The following PARPBP variants were observed in gnomAD, a reference collection of about 807,000 sequenced individuals.
The protein encoded by PARPBP is PCNA-interacting partner.
A neutral mutation model predicts 50.0 loss-of-function variants in PARPBP; 52 were observed. That is an observed-to-expected ratio of 1.04 (90% CI 0.83 to 1.31). The LOEUF is 1.31. Among genes scored for constraint, PARPBP ranks in the 50% most tolerant of loss-of-function variants. PARPBP has a pLI of 0.00. For synonymous variants in PARPBP, 244 were observed against 232.1 expected, an observed-to-expected ratio of 1.05 and a Z score of -0.47; for missense variants, 697 against 672.0, an observed-to-expected ratio of 1.04 and a Z score of -0.41.
intron 3 of PARPBP, chr12:102,152,016 T>C (rs1286202887): frequency 7.6e-6 from 4 of 528,156 alleles, no homozygotes; most frequent in Admixed American, 3.3e-5. Context: ...TTTGTAAATA[T>C]TTGCATCTCC....
chr12:102,185,476 T>C (rs193113539), intron 9 of PARPBP, among the ~76,000 whole-genome samples: 1 of 152,186 alleles, frequency 6.6e-6, no homozygotes, highest in Non-Finnish European at 1.5e-5. Flanking sequence ...ATTAGAGATG[T>C]TGGCCTACAG....
intron 2 of PARPBP, among the ~76,000 whole-genome samples, chr12:102,124,656 A>G (rs193199961): frequency 6.6e-6 from 1 of 152,352 alleles, no homozygotes; most frequent in African/African-American, 2.4e-5. Context: ...AAGTCAGTTC[A>G]GAAGAAGGGT....
intron 6 of PARPBP, among the ~76,000 whole-genome samples, chr12:102,171,161 T>A (rs994559454): frequency 3.3e-5 from 5 of 151,618 alleles, no homozygotes; most frequent in Non-Finnish European, 5.9e-5. Context: ...TTTTTTTTTT[T>A]AAATAAGTAG....
At chr12:102,132,904 T>G (rs1185613101) in intron 2 of PARPBP, among the ~76,000 whole-genome samples, 2 of 152,170 alleles carry the variant, frequency 1.3e-5, no homozygotes, top group Non-Finnish European at 2.9e-5. Flanking sequence ...AAATTTTTTG[T>G]TTTTATAGCT....
chr12:102,153,972 A>G lies in PARPBP; in HGVS notation c.491A>G (p.Glu164Gly). The G allele has an allele frequency of 1.4e-5, 22 of 1,527,816 alleles. No individual in the cohort carries two copies. Among genetic ancestry groups the G allele is most frequent in the Non-Finnish European group, 2.0e-5 (22 of 1,102,036 alleles). 94.6% of individuals were successfully genotyped at this position (1,527,816 alleles called of 1,614,324 possible). ...ACAAGTAAATACAACCGTGATAATG[A>G]AAAGGTACTGATAAACTGTGAGTAA... Reference protein sequence around the residue: ...SPTSKYNRDNEKVQLLARKII... With the variant: ...SPTSKYNRDNGKVQLLARKII... Residue 164 changes from glutamate (E) to glycine (G), a missense_variant, in exon 4 of 11, where the codon GAA (glutamate) becomes GGA (glycine). Glu to Gly is a moderately conservative substitution (Grantham distance 98, BLOSUM62 -2). Transcript: ENST00000327680.
At position 102,197,386 on chromosome 12, in the gene PARPBP, G is replaced by A. The variant is rs10860843; in HGVS notation, c.*1095G>A. ...AACTACCTGGCATGTAAGAAATATC[G>A]TCAGTCGTCCTAATGCATATTGTGA... On this transcript the variant is annotated 3_prime_UTR_variant, in exon 11 of 11. Transcript: ENST00000327680. 4.8e-3 allele frequency: 4,208 copies of A among 868,232 alleles called. 118 individuals are homozygous for A. The African/African-American group carries it at 0.061, about 13-fold the overall frequency. The allele number at this position is 868,232 out of a possible 1,614,324, so 53.8% of individuals were successfully genotyped here.
chr12:102,178,154 A>G (rs1889465739), intron 7 of PARPBP, among the ~76,000 whole-genome samples: 3 of 152,206 alleles, frequency 2.0e-5, no homozygotes. Context: ...ATGATTATTG[A>G]ATGAATGAAT....
At chr12:102,169,418 T>A (rs1029657880) in intron 6 of PARPBP, among the ~76,000 whole-genome samples, 2 of 152,142 alleles carry the variant, frequency 1.3e-5, no homozygotes, top group Non-Finnish European at 2.9e-5. Context: ...TAAACTAAAT[T>A]TTTGTCTTTC....
intron 4 of PARPBP, among the ~76,000 whole-genome samples, chr12:102,160,807 G>T (rs1887486317): frequency 6.6e-6 from 1 of 152,036 alleles, no homozygotes; most frequent in Non-Finnish European, 1.5e-5. Context: ...AATTAGCCAG[G>T]CGTGGCGGCA....
chr12:102,147,140 C>T (rs2138588303), intron 2 of PARPBP, among the ~76,000 whole-genome samples: 1 of 152,280 alleles, frequency 6.6e-6, no homozygotes, highest in Admixed American at 6.5e-5. Context: ...CTAGTTCAAC[C>T]ATTGTGGAAG....
In PARPBP at chr12:102,159,464, A is replaced by C; in HGVS notation, c.496-4974A>C. ...AGCTCTAATTAAAATCCTAATGTGA[A>C]TTTTTGGGCTTCAGTCTTGCAGAGA... is the stretch of plus-strand genomic sequence containing the variant. On this transcript the variant is annotated intron_variant, in intron 4 of 10. Coordinates refer to ENST00000327680, the MANE Select transcript of PARPBP (RefSeq NM_017915.5). Among the ~76,000 whole-genome samples, 2 of 152,140 alleles carry C rather than the reference A, an allele frequency of 1.3e-5. 1 individual carries two copies. The highest frequency in any genetic ancestry group is 2.9e-5 in the Non-Finnish European group (2 of 68,028).
chr12:102,187,567 AC>A (rs1293198888), intron 9 of PARPBP, among the ~76,000 whole-genome samples: 1 of 152,146 alleles, frequency 6.6e-6, no homozygotes, highest in Non-Finnish European at 1.5e-5. Flanking sequence ...TCTGGTATAT[AC>A]AATATGTAAT....
intron 3 of PARPBP, among the ~76,000 whole-genome samples, chr12:102,153,386 C>T (rs1314652426): frequency 6.6e-6 from 1 of 152,226 alleles, no homozygotes; most frequent in Non-Finnish European, 1.5e-5. Flanking sequence ...CACTCTGGCG[C>T]CCAGGTTGGA....
At position 102,149,813 on chromosome 12, in the gene PARPBP, G is replaced by T. The variant is rs1885945018; in HGVS notation, c.387+1350G>T. Among the ~76,000 whole-genome samples, 3 of 152,176 alleles carry T rather than the reference G, an allele frequency of 2.0e-5. No homozygotes were observed. In the South Asian group the frequency reaches 6.2e-4, roughly 31 times the overall value. ...CGCACACATGTACAACTACACTATG[G>T]TAAGGATACTTGTAAAGATAGCTTT... is the stretch of plus-strand genomic sequence containing the variant. On this transcript the variant is annotated intron_variant, in intron 3 of 10. Transcript: ENST00000327680.
chr12:102,187,281 A>G (rs1229328812), intron 9 of PARPBP, among the ~76,000 whole-genome samples: 1 of 152,214 alleles, frequency 6.6e-6, no homozygotes, highest in East Asian at 1.9e-4. Flanking sequence ...ATACAGAACT[A>G]GTGAATTAGC....
rs1891253102 is a variant in PARPBP, at chr12:102,195,810, T to C, written c.1400-141T>C. 3 of 594,708 alleles carry C rather than the reference T, an allele frequency of 5.0e-6. No individual in the cohort carries two copies. In the South Asian group the frequency reaches 7.1e-5, roughly 14 times the overall value. 36.8% of individuals were successfully genotyped at this position (594,708 alleles called of 1,614,324 possible). On this transcript the variant is annotated intron_variant, in intron 10 of 10. Coordinates refer to ENST00000327680, the MANE Select transcript of PARPBP (RefSeq NM_017915.5). ...TAGGATAGTAATGTAGCTATATTTGTCAATCATATTATTTATAGCATTATT... is the reference window on the plus strand; with the variant it reads ...TAGGATAGTAATGTAGCTATATTTGCCAATCATATTATTTATAGCATTATT...
At chr12:102,148,659 G>A in intron 3 of PARPBP, 196 bp downstream of exon 3, 1 of 432,762 alleles carries the variant, frequency 2.3e-6, no homozygotes, top group African/African-American at 2.0e-5. Flanking sequence ...TCTTGGACTT[G>A]TGTTATTGTT....
At chr12:102,126,815 T>G (rs1383488587) in intron 2 of PARPBP, among the ~76,000 whole-genome samples, 1 of 152,128 alleles carries the variant, frequency 6.6e-6, no homozygotes, top group East Asian at 1.9e-4. Flanking sequence ...CAGTATCAGC[T>G]CTTTCTGTAT....
At chr12:102,194,790 T>G (rs999223929) in intron 9 of PARPBP, among the ~76,000 whole-genome samples, 1 of 151,820 alleles carries the variant, frequency 6.6e-6, no homozygotes, top group Non-Finnish European at 1.5e-5. Flanking sequence ...TTGTTTTATC[T>G]TGCAGTTTCT....
Sources: gnomAD v4.1 joint callset for allele counts (sites outside exome capture counted in the v4.1 genomes callset) on GRCh38, gnomAD v4.1.1 for gene constraint, MANE v1.5 for transcripts, NCBI Gene and HGNC (gene_info 2026-07-23, HGNC 2026-07-21) for gene names.